CADPS2: variants seen among roughly 807,000 people sequenced by gnomAD.
CADPS2 encodes calcium-dependent secretion activator 2.
Under a neutral mutation model 172.5 loss-of-function variants are expected in CADPS2, and 93 were observed. The ratio of observed to expected loss-of-function variants is 0.54; its 90% CI spans 0.46 to 0.64. CADPS2 has a LOEUF of 0.64. CADPS2 is among the 30% of genes least tolerant of loss of function. The pLI, the probability that CADPS2 is intolerant of heterozygous loss-of-function variation, is 0.00. For synonymous variants in CADPS2, 546 were observed against 555.2 expected, an observed-to-expected ratio of 0.98 and a Z score of 0.23; for missense variants, 1,420 against 1,565.9, an observed-to-expected ratio of 0.91 and a Z score of 1.57.
rs1282688697 is a variant in CADPS2 at position 122,319,796 on chromosome 7, A to C, written c.*369T>G. ...CTCACAATGCTGCATTATGAGAAAT[A>C]TGTATCTCGCTTTACACAGAAAACA... On this transcript the variant is annotated 3_prime_UTR_variant, in exon 30 of 30. Coordinates refer to ENST00000449022, the MANE Select transcript of CADPS2 (RefSeq NM_017954.11). 5.7e-6 allele frequency: 1 copy of C among 174,504 alleles called. No individual in the cohort carries two copies. The highest frequency in any genetic ancestry group is 2.4e-5 in the African/African-American group (1 of 42,142). The allele number at this position is 174,504 out of a possible 1,614,324, so 10.8% of individuals were successfully genotyped here.
chr7:122,813,374 TA>T (rs1424074123), intron 1 of CADPS2, among the ~76,000 whole-genome samples: 2 of 152,152 alleles, frequency 1.3e-5, no homozygotes, highest in Admixed American at 6.5e-5. Flanking sequence ...ACAGTAATTA[TA>T]TTTTTTAATT....
chr7:122,481,162 CT>C (rs35352953), intron 11 of CADPS2, among the ~76,000 whole-genome samples: 4,247 of 107,498 alleles, frequency 0.04, 66 homozygotes, highest in Middle Eastern at 0.076. Flanking sequence ...TTTCTTCATT[CT>C]TTTTTTTTTT....
intron 2 of CADPS2, among the ~76,000 whole-genome samples, chr7:122,664,064 C>CA (rs541690772): frequency 0.11 from 9,724 of 84,712 alleles, 531 homozygotes; most frequent in East Asian, 0.31. Flanking sequence ...TGTTTATAAG[C>CA]AAAAAAAAAA....
At chr7:122,710,578 G>T (rs1564141680) in intron 2 of CADPS2, among the ~76,000 whole-genome samples, 1 of 152,022 alleles carries the variant, frequency 6.6e-6, no homozygotes, top group Non-Finnish European at 1.5e-5. Flanking sequence ...TTTGTAAATC[G>T]CCAAGCACAC....
chr7:122,424,253 CG>C (rs1277860845), intron 17 of CADPS2: 4 of 800,854 alleles, frequency 5.0e-6, no homozygotes, highest in Non-Finnish European at 6.0e-6. Flanking sequence ...AATATTCTCC[CG>C]GAATTAACCA....
chr7:122,525,458 G>T (rs11977727), intron 8 of CADPS2, among the ~76,000 whole-genome samples: 6,557 of 152,148 alleles, frequency 0.043, 466 homozygotes, highest in African/African-American at 0.15. Flanking sequence ...GACCAATCTT[G>T]TCGGTAGTCA....
intron 3 of CADPS2, among the ~76,000 whole-genome samples, chr7:122,659,319 A>AAAAC: frequency 6.6e-6 from 1 of 151,652 alleles, no homozygotes; most frequent in South Asian, 2.1e-4. Context: ...ATAAAAAAAA[A>AAAAC]AAAAAAACAC....
intron 1 of CADPS2, among the ~76,000 whole-genome samples, chr7:122,824,199 C>T (rs1193321583): frequency 6.6e-6 from 1 of 152,146 alleles, no homozygotes; most frequent in Non-Finnish European, 1.5e-5. Flanking sequence ...TCACAGCAAT[C>T]ACCCAAGATA....
rs1230113197 is a variant in CADPS2, at chr7:122,702,684, T to C, written c.453+34271A>G. ...TCAGGAAAGCTAAGTAGTAGAAAGA[T>C]ACTAAGCCTCAAAAGTCCAGATGAA... On this transcript the variant is annotated intron_variant, in intron 2 of 29. Transcript: ENST00000449022. 6 of 1,613,032 alleles carry C rather than the reference T, an allele frequency of 3.7e-6. No individual in the cohort carries two copies. Among genetic ancestry groups the C allele is most frequent in the East Asian group, 2.2e-5 (1 of 44,846 alleles).
intron 9 of CADPS2, among the ~76,000 whole-genome samples, chr7:122,501,726 T>A (rs1289821001): frequency 6.6e-6 from 1 of 151,290 alleles, no homozygotes; most frequent in African/African-American, 2.4e-5. Flanking sequence ...ATACAAAAAA[T>A]TAGCCAGGCG....
At chr7:122,779,033 G>A (rs1290871948) in intron 1 of CADPS2, among the ~76,000 whole-genome samples, 1 of 152,172 alleles carries the variant, frequency 6.6e-6, no homozygotes, top group Admixed American at 6.5e-5. Context: ...GTTTCACTAA[G>A]GGCAGTCCCT....
intron 25 of CADPS2, among the ~76,000 whole-genome samples, chr7:122,376,712 T>C (rs1296550654): frequency 6.6e-6 from 1 of 152,140 alleles, no homozygotes; most frequent in Non-Finnish European, 1.5e-5. Flanking sequence ...GTGACTGTTA[T>C]CACACACAGA....
intron 6 of CADPS2, among the ~76,000 whole-genome samples, chr7:122,594,807 A>G (rs2071489182): frequency 6.6e-6 from 1 of 151,812 alleles, no homozygotes; most frequent in Admixed American, 6.6e-5. Flanking sequence ...GTAAAATTGT[A>G]ATCCAAGATG....
intron 9 of CADPS2, among the ~76,000 whole-genome samples, chr7:122,512,719 T>C (rs928799938): frequency 7.2e-5 from 11 of 152,084 alleles, no homozygotes; most frequent in Admixed American, 2.6e-4. Flanking sequence ...AATATATTTA[T>C]ATTAAAATCA....
intron 2 of CADPS2, among the ~76,000 whole-genome samples, chr7:122,678,379 G>A (rs534071389): frequency 6.6e-6 from 1 of 152,326 alleles, no homozygotes; most frequent in East Asian, 1.9e-4. Flanking sequence ...AACTCACTGA[G>A]ACTGTGCTAT....
At chr7:122,790,683 A>G (rs963743223) in intron 1 of CADPS2, among the ~76,000 whole-genome samples, 1 of 152,192 alleles carries the variant, frequency 6.6e-6, no homozygotes, top group Non-Finnish European at 1.5e-5. Flanking sequence ...TCTAGTACTC[A>G]TAGCCTCAGT....
Position 122,361,476 on chromosome 7 carries a change from C to T in CADPS2, c.3388-463G>A, listed in dbSNP as rs935359913. On this transcript the variant is annotated intron_variant, in intron 25 of 29. Transcript: ENST00000449022. ...CTCAAACTCCTGACCTTGTGATCCA[C>T]CCGCCTTGGCCTCCCAAAGTACTGG... Among the ~76,000 whole-genome samples the T allele has an allele frequency of 1.1e-4, 17 of 152,074 alleles. No homozygotes were observed. The East Asian group carries it at 3.3e-3, about 30-fold the overall frequency.
chr7:122,845,865 G>A (rs1432892070), intron 1 of CADPS2, among the ~76,000 whole-genome samples: 1 of 152,198 alleles, frequency 6.6e-6, no homozygotes, highest in Non-Finnish European at 1.5e-5. Flanking sequence ...ATCCAAAGGG[G>A]AAGGTTGGTC....
intron 7 of CADPS2, among the ~76,000 whole-genome samples, chr7:122,566,122 C>T (rs777077117): frequency 3.5e-4 from 54 of 152,128 alleles, no homozygotes; most frequent in Middle Eastern, 3.4e-3. Flanking sequence ...TTTTTAAGGC[C>T]GAATAAAATC....
Sources: allele counts gnomAD v4.1 joint callset (sites outside exome capture counted in the v4.1 genomes callset), GRCh38; gene constraint gnomAD v4.1.1; transcripts MANE v1.5; gene names NCBI Gene and HGNC (gene_info 2026-07-23, HGNC 2026-07-21).